KL: variants seen among roughly 807,000 people sequenced by gnomAD.
The protein encoded by KL is alpha-klotho.
KL carries 62 observed loss-of-function variants against 84.2 expected under a neutral mutation model. That is an observed-to-expected ratio of 0.74 (90% CI 0.60 to 0.91). The LOEUF is 0.91. Among genes scored for constraint, KL ranks in the 40% least tolerant of loss-of-function variants. The probability of loss-of-function intolerance (pLI) is 0.00; values close to 1 mark genes in which losing one functional copy is unlikely to be tolerated. For synonymous variants in KL, 528 were observed against 528.0 expected (o/e 1.00, Z 0.00); for missense variants, 1,261 against 1,305.7 (o/e 0.97, Z 0.53).
chr13:33,052,745 A>G (rs1871800633), intron 1 of KL, among the ~76,000 whole-genome samples: 1 of 152,218 alleles, frequency 6.6e-6, no homozygotes, highest in South Asian at 2.1e-4. Flanking sequence ...GAAAATTGGC[A>G]TGATCATTTT....
rs1218674812 is a variant in KL, at chr13:33,061,773, T to C, written c.2694T>C (p.Ala898=). 1.2e-6 allele frequency: 2 copies of C among 1,613,270 alleles called. No homozygotes were observed. Among genetic ancestry groups the C allele is most frequent in the Non-Finnish European group, 1.7e-6 (2 of 1,180,004 alleles). ...ATATGCAGAATTACATAAACGAAGC[T>C]CTCAAAGGTAAGGAGCCCTAGCTGC... ...VYYMQNYINE[A]LKAHILDGIN... is the part of the protein sequence containing the mutation. Residue 898 remains alanine, a synonymous_variant, in exon 4 of 5, where the codon GCT becomes GCC. Transcript: ENST00000380099.
Position 33,016,889 on chromosome 13 carries a change from C to T in KL, c.449C>T (p.Ser150Phe). The change falls in exon 1 of 5, where the codon TCC becomes TTC. Residue 150 changes from serine to phenylalanine, a missense_variant. Transcript: ENST00000380099. ...RELGVTHYRFSISWARVLPNG... is the reference protein window; with the variant it reads ...RELGVTHYRFFISWARVLPNG... ...CTCGGGGTCACTCACTACCGCTTCTCCATCTCGTGGGCGCGAGTGCTCCCC... is the reference window on the plus strand; with the variant it reads ...CTCGGGGTCACTCACTACCGCTTCTTCATCTCGTGGGCGCGAGTGCTCCCC... 6.2e-7 allele frequency: 1 copy of T among 1,612,560 alleles called. No individual in the cohort carries two copies. The highest frequency in any genetic ancestry group is 8.5e-7 in the Non-Finnish European group (1 of 1,179,778).
rs56064101 is a variant in KL at position 33,026,446 on chromosome 13, T to TGG, written c.819+9193_819+9194dup. ...TTCATATTGAATGGGAAGAATGGGG[T>TGG]GGGGGGGTCATACCTCTGTGTTATT... On this transcript the variant is annotated intron_variant, in intron 1 of 4. Transcript: ENST00000380099. Among the ~76,000 whole-genome samples the TGG allele has an allele frequency of 8.1e-3, 1,223 of 151,288 alleles. 15 individuals carry two copies. Among genetic ancestry groups the TGG allele is most frequent in the African/African-American group, 0.025 (1,024 of 41,174 alleles).
At chr13:33,046,491 C>A (rs1480213445) in intron 1 of KL, among the ~76,000 whole-genome samples, 1 of 152,124 alleles carries the variant, frequency 6.6e-6, no homozygotes. Context: ...TCAGTTACCA[C>A]TTTCTTTTAT....
chr13:33,045,241 G>T (rs372322641), intron 1 of KL, among the ~76,000 whole-genome samples: 8 of 152,282 alleles, frequency 5.3e-5, no homozygotes, highest in East Asian at 1.9e-4. Context: ...TTTTGCAATA[G>T]ATTTTTGTGA....
chr13:33,017,296 G>A, intron 1 of KL, 37 bp downstream of exon 1: 3 of 1,512,826 alleles, frequency 2.0e-6, no homozygotes, highest in Non-Finnish European at 2.7e-6. Flanking sequence ...CCACGCAGGG[G>A]AGACAGAGGG....
intron 1 of KL, among the ~76,000 whole-genome samples, chr13:33,047,933 T>G (rs139525512): frequency 7.2e-5 from 11 of 152,230 alleles, no homozygotes; most frequent in African/African-American, 2.4e-4. Context: ...CATTCAAAAA[T>G]TTGTTTATTT....
chr13:33,022,104 C>A (rs1566498003), intron 1 of KL, among the ~76,000 whole-genome samples: 1 of 152,110 alleles, frequency 6.6e-6, no homozygotes, highest in Non-Finnish European at 1.5e-5. Flanking sequence ...CAAATCATTT[C>A]AAAATCATAG....
chr13:33,036,745 A>T (rs1370080067), intron 1 of KL, among the ~76,000 whole-genome samples: 1 of 152,232 alleles, frequency 6.6e-6, no homozygotes, highest in Non-Finnish European at 1.5e-5. Context: ...TCTAGAACCC[A>T]GTATGATAGT....
chr13:33,045,189 G>A (rs1057279123), intron 1 of KL, among the ~76,000 whole-genome samples: 1 of 152,174 alleles, frequency 6.6e-6, no homozygotes, highest in African/African-American at 2.4e-5. Context: ...TGACTATTGT[G>A]TGTTGATCTT....
intron 3 of KL, among the ~76,000 whole-genome samples, chr13:33,060,233 C>T (rs1412199941): frequency 6.6e-6 from 1 of 152,200 alleles, no homozygotes; most frequent in Non-Finnish European, 1.5e-5. Context: ...GCATGAGCCA[C>T]CGCACCTGGC....
At chr13:33,050,778 CT>C (rs1374988715) in intron 1 of KL, among the ~76,000 whole-genome samples, 2 of 152,202 alleles carry the variant, frequency 1.3e-5, no homozygotes, top group Non-Finnish European at 2.9e-5. Flanking sequence ...ATCTGAAATG[CT>C]TTCTAATGCT....
Position 33,061,086 on chromosome 13 carries a change from T to C in KL, c.2007T>C (p.Tyr669=), listed in dbSNP as rs143948325. The change falls in exon 4 of 5, where the codon TAT becomes TAC. Residue 669 remains tyrosine, a synonymous_variant. Transcript: ENST00000380099. ...NPYTALAFAE[Y]ARLCFQELGH... ...ACACTGCCCTGGCCTTTGCAGAGTA[T>C]GCCCGACTGTGCTTTCAAGAGCTCG... is the stretch of plus-strand genomic sequence containing the variant. The C allele has an allele frequency of 2.1e-5, 34 of 1,613,684 alleles. No homozygotes were observed. The African/African-American group carries it at 4.4e-4, about 21-fold the overall frequency.
intron 3 of KL, 50 bp from the exon 4 acceptor site, chr13:33,060,629 C>A (rs146002003): frequency 6.2e-6 from 10 of 1,607,376 alleles, no homozygotes; most frequent in Non-Finnish European, 8.5e-6. Flanking sequence ...CTTTGAATTA[C>A]TTCCTCAGGA....
At chr13:33,044,635 ATTTTCT>A (rs1871454528) in intron 1 of KL, among the ~76,000 whole-genome samples, 3 of 72,286 alleles carry the variant, frequency 4.2e-5, no homozygotes, top group Non-Finnish European at 9.2e-5. Flanking sequence ...AATGCAATTG[ATTTTCT>A]TTTTTTTTTT....
At position 33,016,694 on chromosome 13, in the gene KL, AG is replaced by A. The variant is rs1870347949; in HGVS notation, c.257del (p.Gly86ValfsTer39). On this transcript the variant is annotated frameshift_variant, in exon 1 of 5. Coordinates refer to ENST00000380099, the MANE Select transcript of KL (RefSeq NM_004795.4). LOFTEE classifies it high-confidence loss of function. The stretch of plus-strand genomic sequence containing the variant: ...GAGGGCGGCTGGCAGCAGCACGGCA[AG>A]GGTGCGTCCATCTGGGATACGTTCA... ...QTEGGWQQHG[K>X]GASIWDTFTH... 1 of 1,607,370 alleles carries A rather than the reference AG, an allele frequency of 6.2e-7. No individual in the cohort carries two copies. The highest frequency in any genetic ancestry group is 1.3e-5 in the African/African-American group (1 of 74,738).
chr13:33,019,435 G>A (rs970000405), intron 1 of KL, among the ~76,000 whole-genome samples: 2 of 152,082 alleles, frequency 1.3e-5, no homozygotes, highest in African/African-American at 4.8e-5. Context: ...GGGGCCAGTT[G>A]TGTTCCGGGA....
At chr13:33,052,774 A>G (rs1871801542) in intron 1 of KL, among the ~76,000 whole-genome samples, 1 of 152,224 alleles carries the variant, frequency 6.6e-6, no homozygotes. Flanking sequence ...TATGGAGTCA[A>G]ACAGAGAATT....
Position 33,016,439 on chromosome 13 carries a change from G to A in KL, c.-2G>A, listed in dbSNP as rs1169860878. On this transcript the variant is annotated 5_prime_UTR_variant, in exon 1 of 5. Transcript: ENST00000380099. ...GGCCCCGGAGCCTGGCTCCCGCGCA[G>A]CATGCCCGCCAGCGCCCCGCCGCGC... is the stretch of plus-strand genomic sequence containing the variant. 1.3e-4 allele frequency: 120 copies of A among 950,230 alleles called. No homozygotes were observed. Among genetic ancestry groups the A allele is most frequent in the Non-Finnish European group, 1.5e-4 (120 of 804,242 alleles). 58.9% of individuals were successfully genotyped at this position (950,230 alleles called of 1,614,324 possible).
Sources: gnomAD v4.1 joint callset for allele counts (sites outside exome capture counted in the v4.1 genomes callset) on GRCh38, gnomAD v4.1.1 for gene constraint, MANE v1.5 for transcripts, NCBI Gene and HGNC (gene_info 2026-07-23, HGNC 2026-07-21) for gene names.